Variants in MIA2 observed in about 807,000 individuals in gnomAD.
The protein encoded by MIA2 is MIA SH3 domain ER export factor 2.
In MIA2, 127 loss-of-function variants were observed where a neutral mutation model predicts 167.8. That is an observed-to-expected ratio of 0.76 (90% CI 0.66 to 0.88). The LOEUF (loss-of-function observed/expected upper bound fraction) is 0.88. Ranked by LOEUF, MIA2 falls within the 40% of genes least tolerant of loss-of-function variation. MIA2 has a pLI of 0.00. For synonymous variants in MIA2, 552 were observed against 541.9 expected (o/e 1.02, Z -0.26); for missense variants, 1,690 against 1,624.7 (o/e 1.04, Z -0.69).
intron 18 of MIA2, 96 bp downstream of exon 18, chr14:39,308,683 A>T: frequency 6.0e-6 from 6 of 1,001,028 alleles, no homozygotes; most frequent in Non-Finnish European, 8.6e-6. Context: ...GAAAGTTCTC[A>T]ATTTATGATT....
chr14:39,347,625 TG>T, intron 26 of MIA2, 87 bp from the exon 27 acceptor site: 1 of 1,369,426 alleles, frequency 7.3e-7, no homozygotes. Context: ...ACAAGGGGAG[TG>T]GGAAAATACC....
chr14:39,306,908 G>A (rs1005066706), intron 17 of MIA2, among the ~76,000 whole-genome samples: 3 of 152,104 alleles, frequency 2.0e-5, no homozygotes, highest in Admixed American at 1.3e-4. Flanking sequence ...GAAGAGAAAC[G>A]AGGTTTTTAA....
chr14:39,238,176 A>AGTT (rs1409242810), intron 2 of MIA2, among the ~76,000 whole-genome samples: 5 of 142,232 alleles, frequency 3.5e-5, no homozygotes, highest in African/African-American at 1.3e-4. Context: ...TAGGTGTACA[A>AGTT]GTTTTTTTTT....
At chr14:39,293,235 T>C (rs2060972087) in intron 10 of MIA2, 36 bp from the exon 11 acceptor site, 4 of 1,367,402 alleles carry the variant, frequency 2.9e-6, no homozygotes, top group Non-Finnish European at 4.1e-6. Flanking sequence ...TGAAAAATTC[T>C]TATATCTGTT....
intron 9 of MIA2, among the ~76,000 whole-genome samples, chr14:39,285,696 C>G (rs1187351008): frequency 5.8e-5 from 5 of 86,138 alleles, no homozygotes; most frequent in South Asian, 3.2e-4. Flanking sequence ...GGGGTGGCTG[C>G]CGGGCGGAGA....
chr14:39,297,520 G>A (rs189689421), intron 13 of MIA2, among the ~76,000 whole-genome samples: 1 of 152,260 alleles, frequency 6.6e-6, no homozygotes, highest in Admixed American at 6.5e-5. Flanking sequence ...TGCAACTTAG[G>A]TAAAGAATGC....
At position 39,298,413 on chromosome 14, in the gene MIA2, T is replaced by TTTTATATATATATATATATATA. The variant is rs1397878336; in HGVS notation, c.2497-1450_2497-1449insTTATATATATATATATATATAT. Among the ~76,000 whole-genome samples, 67 of 26,130 alleles carry TTTTATATATATATATATATATA rather than the reference T, an allele frequency of 2.6e-3. 2 individuals are homozygous for TTTTATATATATATATATATATA. Among genetic ancestry groups the TTTTATATATATATATATATATA allele is most frequent in the African/African-American group, 4.7e-3 (34 of 7,190 alleles). 17.1% of individuals were successfully genotyped at this position (26,130 alleles called of 152,430 possible). On this transcript the variant is annotated intron_variant, in intron 13 of 28. Transcript: ENST00000640607. ...TTTACCTGTATCATCTGATTCTGTT[T>TTTTATATATATATATATATATA]TATATATATATATATATATATATAT...
rs34424266 is a variant in MIA2 at position 39,299,305 on chromosome 14, C to CTTTTTTTTTTTTTTTTTTTTTTTTTTTT, written c.2497-538_2497-537insTTTTTTTTTTTTTTTTTTTTTTTTTTTT. Among the ~76,000 whole-genome samples, 3 of 95,090 alleles carry CTTTTTTTTTTTTTTTTTTTTTTTTTTTT rather than the reference C, an allele frequency of 3.2e-5. 1 individual carries two copies. Among genetic ancestry groups the CTTTTTTTTTTTTTTTTTTTTTTTTTTTT allele is most frequent in the Non-Finnish European group, 5.7e-5 (3 of 52,754 alleles). 62.4% of individuals were successfully genotyped at this position (95,090 alleles called of 152,430 possible). A position where few individuals can be genotyped will look rare whatever the true frequency, so the allele number is the denominator to read the frequency against. The stretch of plus-strand genomic sequence containing the variant: ...GATCTGTTCTAGATTAATGGTATTT[C>CTTTTTTTTTTTTTTTTTTTTTTTTTTTT]TTTTTTTTTTTTTTTTTTTTTGAGA... On this transcript the variant is annotated intron_variant, in intron 13 of 28. Transcript: ENST00000640607.
chr14:39,236,139 A>G (rs983200534), intron 1 of MIA2, among the ~76,000 whole-genome samples: 12 of 152,194 alleles, frequency 7.9e-5, no homozygotes, highest in Admixed American at 7.2e-4. Context: ...TCCCCTTCAG[A>G]AAATTTAATT....
chr14:39,280,460 C>T lies in MIA2; in HGVS notation c.2130+923C>T, dbSNP rs373871162. On this transcript the variant is annotated intron_variant, in intron 9 of 28. Transcript: ENST00000640607. ...TGTAAGATAAGAAACCGGCTGGGCA[C>T]GGTGGCTCATGCTTGTAATCCCAGC... Among the ~76,000 whole-genome samples, 31 of 152,050 alleles carry T rather than the reference C, an allele frequency of 2.0e-4. No individual in the cohort carries two copies. In the East Asian group the frequency reaches 3.7e-3, roughly 18 times the overall value.
rs772374133 is a variant in MIA2, at chr14:39,327,018, G to A, written c.3651G>A (p.Pro1217=). 9.2e-6 allele frequency: 14 copies of A among 1,516,578 alleles called. No homozygotes were observed. Among genetic ancestry groups the A allele is most frequent in the Middle Eastern group, 1.7e-4 (1 of 5,720 alleles). 93.9% of individuals were successfully genotyped at this position (1,516,578 alleles called of 1,614,324 possible). ...AGGACCGTAGGATGATGTTTCCTCC[G>A]CCAGGTATGTAAAGACAATAGTTAT... ...WDQDRRMMFP[P]PGQSYPDSAL... Residue 1217 remains proline (P), a synonymous_variant, in exon 25 of 29, where the codon CCG becomes CCA. Transcript: ENST00000640607.
chr14:39,355,740 T>C (rs2074506301), downstream of MIA2, among the ~76,000 whole-genome samples: 2 of 152,308 alleles, frequency 1.3e-5, no homozygotes, highest in South Asian at 2.1e-4. Context: ...AATACCTAAT[T>C]TATTGAGAGT....
At chr14:39,331,165 G>C (rs985461021) in intron 25 of MIA2, among the ~76,000 whole-genome samples, 2 of 152,026 alleles carry the variant, frequency 1.3e-5, no homozygotes, top group African/African-American at 4.8e-5. Flanking sequence ...TATATAATTA[G>C]GGTAGTTAGC....
intron 21 of MIA2, among the ~76,000 whole-genome samples, chr14:39,315,996 T>C (rs577146857): frequency 2.0e-4 from 31 of 152,316 alleles, no homozygotes; most frequent in Non-Finnish European, 3.2e-4. Context: ...GGACTGATTG[T>C]TCCAGGGCAC....
intron 9 of MIA2, among the ~76,000 whole-genome samples, chr14:39,279,811 A>G (rs12588728): frequency 0.27 from 41,159 of 152,086 alleles, 5,761 homozygotes; most frequent in East Asian, 0.5. Context: ...CATTTCTGGT[A>G]TCTGTTCGTG....
intron 13 of MIA2, among the ~76,000 whole-genome samples, chr14:39,299,389 C>T (rs2062039952): frequency 7.3e-6 from 1 of 137,886 alleles, no homozygotes; most frequent in Non-Finnish European, 1.5e-5. Context: ...CTCACTGCAA[C>T]CTCTGCCTCC....
At chr14:39,386,665 C>G in intron 23 of MIA2, 1 of 1,107,150 alleles carries the variant, frequency 9.0e-7, no homozygotes, top group Non-Finnish European at 1.4e-6. Context: ...GGTTCCAGAT[C>G]AAAGACCTTC....
Position 39,386,430 on chromosome 14 carries a change from C to A in MIA2, c.2249-455C>A, listed in dbSNP as rs187309816. 7.7e-6 allele frequency: 12 copies of A among 1,552,210 alleles called. No individual in the cohort carries two copies. In the African/African-American group the frequency reaches 1.5e-4, roughly 19 times the overall value. On this transcript the variant is annotated intron_variant, in intron 23 of 23. Transcript: ENST00000341502. ...TTGGCTTTAACAAGGCTGTTTCTAGCAGAACCTTTTGGAGAACTACATCTC... is the reference window on the plus strand; with the variant it reads ...TTGGCTTTAACAAGGCTGTTTCTAGAAGAACCTTTTGGAGAACTACATCTC...
chr14:39,255,245 T>C (rs1305612689), intron 6 of MIA2, among the ~76,000 whole-genome samples: 1 of 152,176 alleles, frequency 6.6e-6, no homozygotes, highest in African/African-American at 2.4e-5. Context: ...CCTACAGGCC[T>C]GAGTGTAATC....
Sources: gnomAD v4.1 joint callset for allele counts (sites outside exome capture counted in the v4.1 genomes callset) on GRCh38, gnomAD v4.1.1 for gene constraint, MANE v1.5 for transcripts, NCBI Gene and HGNC (gene_info 2026-07-23, HGNC 2026-07-21) for gene names.